Variants in PIEZO2 observed in about 807,000 individuals in gnomAD.
PIEZO2 encodes piezo type mechanosensitive ion channel component 2, also known as piezo-type mechanosensitive ion channel component 2.
Under a neutral mutation model 337.3 loss-of-function variants are expected in PIEZO2, and 172 were observed. That is an observed-to-expected ratio of 0.51 (90% confidence interval 0.45 to 0.58). The LOEUF (loss-of-function observed/expected upper bound fraction) is 0.58, where lower values mean the gene tolerates loss of function less well. PIEZO2 is among the 20% of genes least tolerant of loss of function. The probability of loss-of-function intolerance (pLI) is 0.00; values close to 1 mark genes in which losing one functional copy is unlikely to be tolerated. For synonymous variants in PIEZO2, 1,251 were observed against 1,228.5 expected (o/e 1.02, Z -0.38); for missense variants, 3,028 against 3,391.3 (o/e 0.89, Z 2.66).
chr18:10,762,512 T>C lies in PIEZO2; in HGVS notation c.3237A>G (p.Leu1079=). ...ACAAAGCCATTACCCTCAGGTAGAC[T>C]AGCAGAGGCGAAGACTTCCGCAGGC... is the stretch of plus-strand genomic sequence containing the variant. ...WVGLRKSSPL[L]VYLRNNLLML... is the part of the protein sequence containing the mutation. Residue 1079 remains leucine (L), a synonymous_variant, in exon 23 of 56, where the codon CTA becomes CTG. Coordinates refer to ENST00000674853, the MANE Select transcript of PIEZO2 (RefSeq NM_001378183.1). 6.5e-7 allele frequency: 1 copy of C among 1,537,240 alleles called. No individual in the cohort carries two copies. The highest frequency in any genetic ancestry group is 8.7e-7 in the Non-Finnish European group (1 of 1,146,908).
chr18:10,798,060 T>C (rs906095789), intron 11 of PIEZO2, among the ~76,000 whole-genome samples: 7 of 152,330 alleles, frequency 4.6e-5, no homozygotes, highest in African/African-American at 1.4e-4. Flanking sequence ...CAGCCAGATG[T>C]CAGCAAGAGC....
rs771246552 is a variant in PIEZO2, at chr18:10,752,669, G to A, written c.4134C>T (p.Asn1378=). Residue 1378 remains asparagine (N), a synonymous_variant, in exon 28 of 56, where the codon AAC becomes AAT. Coordinates refer to ENST00000674853, the MANE Select transcript of PIEZO2 (RefSeq NM_001378183.1). ...TATTTTTCATCGTAATCACAAAAAC[G>A]TTGTATGCGATCAGCCAGTCCCAGT... ...LRYWDWLIAY[N]VFVITMKNIL... 4.6e-6 allele frequency: 7 copies of A among 1,537,186 alleles called. No homozygotes were observed. In the African/African-American group the frequency reaches 6.8e-5, roughly 15 times the overall value.
At chr18:10,892,419 G>C (rs1357647716) in intron 4 of PIEZO2, among the ~76,000 whole-genome samples, 1 of 152,124 alleles carries the variant, frequency 6.6e-6, no homozygotes, top group Non-Finnish European at 1.5e-5. Flanking sequence ...TGACAATCCA[G>C]AAAAGGTAAA....
At position 10,704,408 on chromosome 18, in the gene PIEZO2, T is replaced by C. The variant is rs1294567976; in HGVS notation, c.6244A>G (p.Ile2082Val). 8.5e-6 allele frequency: 13 copies of C among 1,537,044 alleles called. No homozygotes were observed. Among genetic ancestry groups the C allele is most frequent in the East Asian group, 4.9e-5 (2 of 40,916 alleles). The change falls in exon 42 of 56, where the codon ATC becomes GTC. Residue 2082 changes from isoleucine (I) to valine (V), a missense_variant. Coordinates refer to ENST00000674853, the MANE Select transcript of PIEZO2 (RefSeq NM_001378183.1). Reference protein sequence around the residue: ...RPSRRFWMMAIVYTEVAIVVK... With the variant: ...RPSRRFWMMAVVYTEVAIVVK... Reference sequence around the variant, plus strand: ...TCCAGGCCTACCTCAGTATAGACGATGGCCATCATCCAGAACCGGCGGCTG... The same window carrying C: ...TCCAGGCCTACCTCAGTATAGACGACGGCCATCATCCAGAACCGGCGGCTG...
intron 1 of PIEZO2, among the ~76,000 whole-genome samples, chr18:11,082,103 A>G (rs1226377787): frequency 6.6e-6 from 1 of 152,024 alleles, no homozygotes; most frequent in African/African-American, 2.4e-5. Context: ...AAAAATGGGG[A>G]GGAAAGTTTG....
chr18:11,007,515 A>G (rs1288225534), intron 2 of PIEZO2, among the ~76,000 whole-genome samples: 1 of 152,230 alleles, frequency 6.6e-6, no homozygotes, highest in African/African-American at 2.4e-5. Context: ...AAGGATGTCA[A>G]TAAGCCCTAA....
At chr18:10,928,143 G>C (rs2031861552) in intron 3 of PIEZO2, among the ~76,000 whole-genome samples, 1 of 152,102 alleles carries the variant, frequency 6.6e-6, no homozygotes, top group East Asian at 1.9e-4. Flanking sequence ...AAAGAATGAA[G>C]TCTGGCTTTG....
At chr18:10,972,814 T>A (rs139215895) in intron 3 of PIEZO2, among the ~76,000 whole-genome samples, 2 of 152,254 alleles carry the variant, frequency 1.3e-5, no homozygotes, top group African/African-American at 4.8e-5. Context: ...AATTAGGACT[T>A]CTCTAATAAC....
chr18:10,683,336 G>A (rs1239095866), intron 49 of PIEZO2, among the ~76,000 whole-genome samples: 6 of 152,246 alleles, frequency 3.9e-5, no homozygotes, highest in Non-Finnish European at 7.3e-5. Context: ...CAAAGATGGT[G>A]CCGGAAATAT....
At chr18:11,147,266 C>T (rs2040833083) in intron 1 of PIEZO2, among the ~76,000 whole-genome samples, 1 of 152,124 alleles carries the variant, frequency 6.6e-6, no homozygotes, top group African/African-American at 2.4e-5. Context: ...CAGCATCCAC[C>T]CGTGGGTCCC....
At position 11,094,757 on chromosome 18, in the gene PIEZO2, A is replaced by C. The variant is rs906483259; in HGVS notation, c.65-28535T>G. On this transcript the variant is annotated intron_variant, in intron 1 of 55. Transcript: ENST00000674853. This position sits in a 1 kb window ranked among gnomAD's most constrained non-coding sequence, Gnocchi z 4.4. ...AGCTGATTATTCTATATAAATTATAAAATATCTTTAAACATTGCTTGGGAT... is the reference window on the plus strand; with the variant it reads ...AGCTGATTATTCTATATAAATTATACAATATCTTTAAACATTGCTTGGGAT... Among the ~76,000 whole-genome samples the C allele has an allele frequency of 3.9e-5, 6 of 152,246 alleles. No individual in the cohort carries two copies. Among genetic ancestry groups the C allele is most frequent in the African/African-American group, 1.4e-4 (6 of 41,456 alleles).
At chr18:10,971,372 G>A (rs2034231940) in intron 3 of PIEZO2, among the ~76,000 whole-genome samples, 1 of 152,038 alleles carries the variant, frequency 6.6e-6, no homozygotes, top group Admixed American at 6.6e-5. Flanking sequence ...TCTATCTTTA[G>A]GAAAAACATC....
Position 10,748,665 on chromosome 18 carries a change from A to C in PIEZO2, c.4265-35T>G, listed in dbSNP as rs2037521244. The C allele has an allele frequency of 7.2e-7, 1 of 1,398,370 alleles. No homozygotes were observed. Among genetic ancestry groups the C allele is most frequent in the Non-Finnish European group, 9.3e-7 (1 of 1,076,022 alleles). The allele number at this position is 1,398,370 out of a possible 1,614,324, so 86.6% of individuals were successfully genotyped here. ...CAGTAGAAAAACACACATTAAAATT[A>C]ACATCCATTTTCATTGTAATTTTAT... On this transcript the variant is annotated intron_variant, in intron 29 of 55. Coordinates refer to ENST00000674853, the MANE Select transcript of PIEZO2 (RefSeq NM_001378183.1). This position sits in a 1 kb window ranked among gnomAD's most constrained non-coding sequence, Gnocchi z 5.1.
Position 11,119,303 on chromosome 18 carries a change from C to G in PIEZO2, c.64+29222G>C, listed in dbSNP as rs917513375. On this transcript the variant is annotated intron_variant, in intron 1 of 55. Coordinates refer to ENST00000674853, the MANE Select transcript of PIEZO2 (RefSeq NM_001378183.1). The stretch of plus-strand genomic sequence containing the variant: ...GCTGGGACTACAGGCCCATGCCCAG[C>G]TAATTTTTGTATTTTTGGTAGAGAC... Among the ~76,000 whole-genome samples, 12 of 152,186 alleles carry G rather than the reference C, an allele frequency of 7.9e-5. No homozygotes were observed. The East Asian group carries it at 2.3e-3, about 29-fold the overall frequency.
intron 35 of PIEZO2, 144 bp from the exon 36 acceptor site, chr18:10,731,665 C>A: frequency 2.9e-6 from 1 of 349,612 alleles, no homozygotes; most frequent in Non-Finnish European, 4.7e-6. Flanking sequence ...TCATGAGATT[C>A]AATTTTTTTT....
Position 10,791,271 on chromosome 18 carries a change from T to C in PIEZO2, c.1812A>G (p.Gln604=), listed in dbSNP as rs1160833874. Residue 604 remains glutamine, a synonymous_variant, in exon 14 of 56, where the codon CAA becomes CAG. Coordinates refer to ENST00000674853, the MANE Select transcript of PIEZO2 (RefSeq NM_001378183.1). ...GAGCTTCCTTTTCTTGCAGAGCTTTTTGCTCTGTGAGGTGCTGCCTCAGCA... is the reference window on the plus strand; with the variant it reads ...GAGCTTCCTTTTCTTGCAGAGCTTTCTGCTCTGTGAGGTGCTGCCTCAGCA... ...WLLLRQHLTE[Q]KALQEKEALL... is the part of the protein sequence containing the mutation. 2.6e-6 allele frequency: 4 copies of C among 1,536,144 alleles called. No homozygotes were observed. Among genetic ancestry groups the C allele is most frequent in the Non-Finnish European group, 8.7e-7 (1 of 1,146,290 alleles).
rs2039150560 is a variant in PIEZO2 at position 10,784,659 on chromosome 18, A to G, written c.2492+125T>C. 2 of 888,274 alleles carry G rather than the reference A, an allele frequency of 2.3e-6. No individual in the cohort carries two copies. The highest frequency in any genetic ancestry group is 1.6e-6 in the Non-Finnish European group (1 of 611,848). 55.0% of individuals were successfully genotyped at this position (888,274 alleles called of 1,614,324 possible). A position where few individuals can be genotyped will look rare whatever the true frequency, so the allele number is the denominator to read the frequency against. On this transcript the variant is annotated intron_variant, in intron 17 of 55. Coordinates refer to ENST00000674853, the MANE Select transcript of PIEZO2 (RefSeq NM_001378183.1). The surrounding 1 kb of genome is among the most constrained non-coding windows in gnomAD (Gnocchi z 4.5). ...TTTCCTCTTTTTCTCACAAGCTGAT[A>G]CTCATGGAAAATTCAAGGCTGAAAC...
At chr18:11,056,565 A>T (rs529864585) in intron 2 of PIEZO2, among the ~76,000 whole-genome samples, 1 of 152,244 alleles carries the variant, frequency 6.6e-6, no homozygotes, top group South Asian at 2.1e-4. Flanking sequence ...TGAAAAGAGA[A>T]CATTAAATAG....
chr18:11,048,244 T>G lies in PIEZO2; in HGVS notation c.160+17883A>C, dbSNP rs1328828082. Among the ~76,000 whole-genome samples the G allele has an allele frequency of 6.6e-6, 1 of 152,092 alleles. No homozygotes were observed. The highest frequency in any genetic ancestry group is 1.5e-5 in the Non-Finnish European group (1 of 68,002). ...AAAATAAATCTAGGCAAAATTAACTTTTTAAAAAATGGAGAAAGGGAAGAG... is the reference window on the plus strand; with the variant it reads ...AAAATAAATCTAGGCAAAATTAACTGTTTAAAAAATGGAGAAAGGGAAGAG... On this transcript the variant is annotated intron_variant, in intron 2 of 55. Coordinates refer to ENST00000674853, the MANE Select transcript of PIEZO2 (RefSeq NM_001378183.1). This position sits in a 1 kb window ranked among gnomAD's most constrained non-coding sequence, Gnocchi z 4.5.
Sources: gnomAD v4.1 joint callset for allele counts (sites outside exome capture counted in the v4.1 genomes callset) on GRCh38, gnomAD v4.1.1 for gene constraint, Gnocchi (gnomAD v3.1) non-coding constraint, MANE v1.5 for transcripts, NCBI Gene and HGNC (gene_info 2026-07-23, HGNC 2026-07-21) for gene names.